Variants in PDE4DIP observed in about 807,000 individuals in gnomAD.
PDE4DIP encodes the protein myomegalin.
PDE4DIP carries 59 observed loss-of-function variants against 221.4 expected under a neutral mutation model. That is an observed-to-expected ratio of 0.27 (90% CI 0.22 to 0.33). The LOEUF is 0.33. PDE4DIP is among the 10% of genes least tolerant of loss of function. PDE4DIP has a pLI of 1.00. For missense variants in PDE4DIP, 1,036 were observed against 2,154.2 expected, an observed-to-expected ratio of 0.48 and a Z score of 10.28; for synonymous variants, 404 against 815.9, an observed-to-expected ratio of 0.50 and a Z score of 8.60.
At chr1:148,944,096 TAAG>T (rs2051066804) in intron 5 of PDE4DIP, among the ~76,000 whole-genome samples, 1 of 152,222 alleles carries the variant, frequency 6.6e-6, no homozygotes, top group African/African-American at 2.4e-5. Context: ...TTCCTTTTCT[TAAG>T]TAGCTTACCA....
chr1:148,986,026 A>T (rs1470611653), intron 21 of PDE4DIP: 1 of 152,154 alleles, frequency 6.6e-6, no homozygotes, highest in African/African-American at 2.4e-5. Flanking sequence ...ATAAATTATG[A>T]GTTTCTATCT....
At chr1:148,969,771 A>G (rs746175297) in intron 14 of PDE4DIP, among the ~76,000 whole-genome samples, 18 of 150,980 alleles carry the variant, frequency 1.2e-4, no homozygotes, top group East Asian at 1.9e-4. Context: ...CGATGGCGCA[A>G]TCTTGGCTCA....
At position 149,032,940 on chromosome 1, in the gene PDE4DIP, G is replaced by A. The variant is rs373299783; in HGVS notation, c.*955G>A. ...GGCCAACATAACTGGTGGACAGGGT[G>A]GGTGACAGAAAATGAAAGTCTTTTT... is the stretch of plus-strand genomic sequence containing the variant. On this transcript the variant is annotated 3_prime_UTR_variant, in exon 44 of 44. Transcript: ENST00000369354. 6.3e-4 allele frequency: 126 copies of A among 198,804 alleles called. 1 individual carries two copies. Among genetic ancestry groups the A allele is most frequent in the East Asian group, 6.1e-3 (79 of 12,850 alleles). 12.3% of individuals were successfully genotyped at this position (198,804 alleles called of 1,614,324 possible).
At chr1:149,000,620 A>G (rs1553574281) in intron 23 of PDE4DIP, among the ~76,000 whole-genome samples, 1 of 152,040 alleles carries the variant, frequency 6.6e-6, no homozygotes, top group African/African-American at 2.4e-5. Flanking sequence ...ATGTGGATTC[A>G]TAGGCCTTAG....
exon 24 of PDE4DIP, chr1:149,001,874 C>T (rs2065741247): frequency 3.1e-6 from 5 of 1,613,878 alleles, no homozygotes; most frequent in Admixed American, 3.3e-5. Flanking sequence ...GCTCCTTGTG[C>T]ATCTGACCAG....
At position 148,830,330 on chromosome 1, in the gene PDE4DIP, C is replaced by A. The variant is rs2442657; in HGVS notation, c.233+21593C>A. 4.3e-3 allele frequency among the ~76,000 whole-genome samples: 162 copies of A among 37,490 alleles called. No homozygotes were observed. The East Asian group carries it at 0.079, about 18-fold the overall frequency. 24.6% of individuals were successfully genotyped at this position (37,490 alleles called of 152,430 possible). Reference sequence around the variant, plus strand: ...TGGTTGTTCCGAGTCACAGCTGGCACTTTGCCTACTATGTATAGTCTTCAG... The same window carrying A: ...TGGTTGTTCCGAGTCACAGCTGGCAATTTGCCTACTATGTATAGTCTTCAG... On this transcript the variant is annotated intron_variant, in intron 1 of 45. Transcript: ENST00000524974.
intron 5 of PDE4DIP, among the ~76,000 whole-genome samples, chr1:148,949,658 T>C (rs1173101044): frequency 1.3e-5 from 2 of 152,216 alleles, no homozygotes; most frequent in African/African-American, 4.8e-5. Context: ...AAATTGATTA[T>C]CACATAATTT....
At chr1:149,002,424 A>AT (rs1363956235) in intron 24 of PDE4DIP, among the ~76,000 whole-genome samples, 2 of 151,508 alleles carry the variant, frequency 1.3e-5, no homozygotes, top group Non-Finnish European at 2.9e-5. Flanking sequence ...TATCACTGCC[A>AT]TTTTTTTGTC....
At chr1:148,838,752 G>T (rs1553375558) in intron 1 of PDE4DIP, among the ~76,000 whole-genome samples, 1 of 95,326 alleles carries the variant, frequency 1.0e-5, no homozygotes, top group East Asian at 2.6e-4. Context: ...TCCTTAGCCA[G>T]ATCCTCCCAT....
intron 37 of PDE4DIP, chr1:149,021,852 C>T (rs1172504256): frequency 5.4e-4 from 78 of 144,224 alleles, no homozygotes; most frequent in Admixed American, 1.3e-3. Flanking sequence ...GAAGACTTTG[C>T]TGCCTGCTGA....
At chr1:148,978,317 G>C (rs781993532) in exon 19 of PDE4DIP, 3 of 1,612,220 alleles carry the variant, frequency 1.9e-6, no homozygotes, top group African/African-American at 1.3e-5. Context: ...AGACATACCA[G>C]CTATGGAACG....
At chr1:149,013,824 GT>G (rs1338838212) in intron 32 of PDE4DIP, among the ~76,000 whole-genome samples, 10 of 65,008 alleles carry the variant, frequency 1.5e-4, no homozygotes, top group African/African-American at 5.7e-4. Flanking sequence ...GTCTTACTTT[GT>G]CACGCAGACT....
intron 14 of PDE4DIP, among the ~76,000 whole-genome samples, chr1:148,971,557 C>T (rs1418843295): frequency 1.3e-5 from 2 of 152,090 alleles, no homozygotes; most frequent in African/African-American, 2.4e-5. Flanking sequence ...TTAACACATC[C>T]GTCACTACAC....
chr1:148,893,292 A>C (rs1553439056), intron 1 of PDE4DIP, among the ~76,000 whole-genome samples: 1 of 122,656 alleles, frequency 8.2e-6, no homozygotes, highest in Non-Finnish European at 1.6e-5. Flanking sequence ...TTCGGAAAAC[A>C]CTGCATTAAG....
chr1:148,820,700 C>A (rs1668895093), intron 1 of PDE4DIP, among the ~76,000 whole-genome samples: 1 of 147,158 alleles, frequency 6.8e-6, no homozygotes, highest in East Asian at 1.9e-4. Flanking sequence ...TGGACAATAA[C>A]CCTACTTTTT....
intron 5 of PDE4DIP, among the ~76,000 whole-genome samples, chr1:148,944,190 GA>G (rs1553481937): frequency 6.6e-6 from 1 of 152,222 alleles, no homozygotes; most frequent in Admixed American, 6.5e-5. Context: ...GATGGAAGAA[GA>G]GAAAGATGTC....
At position 148,977,932 on chromosome 1, in the gene PDE4DIP, C is replaced by G; in HGVS notation, c.2320-5C>G. 1 of 1,610,546 alleles carries G rather than the reference C, an allele frequency of 6.2e-7. No homozygotes were observed. Among genetic ancestry groups the G allele is most frequent in the African/African-American group, 1.3e-5 (1 of 74,796 alleles). On this transcript the variant is annotated splice_polypyrimidine_tract_variant and splice_region_variant and intron_variant, in intron 17 of 43. Transcript: ENST00000369354. ...CATGGCAGACATTGTTTCCTCTTTT[C>G]ACAGATGGAACTTTCTGCTCTACAG...
intron 1 of PDE4DIP, among the ~76,000 whole-genome samples, chr1:148,821,493 T>C (rs1369391784): frequency 1.3e-5 from 2 of 150,662 alleles, no homozygotes; most frequent in Non-Finnish European, 1.5e-5. Context: ...GGATTTCTGA[T>C]ATTAATAAAG....
chr1:149,030,734 G>C (rs1299293708), intron 43 of PDE4DIP: 10 of 985,146 alleles, frequency 1.0e-5, no homozygotes, highest in Non-Finnish European at 1.2e-5. Flanking sequence ...CCCGGGTTAA[G>C]AACAGCAATT....
Sources: gnomAD v4.1 joint callset for allele counts (sites outside exome capture counted in the v4.1 genomes callset) on GRCh38, gnomAD v4.1.1 for gene constraint, MANE v1.5 for transcripts, NCBI Gene and HGNC (gene_info 2026-07-23, HGNC 2026-07-21) for gene names.